PARVB: variants seen among roughly 807,000 people sequenced by gnomAD.
The protein encoded by PARVB is parvin beta.
A neutral mutation model predicts 47.0 loss-of-function variants in PARVB; 46 were observed. The ratio of observed to expected loss-of-function variants is 0.98; its 90% confidence interval spans 0.77 to 1.25. The LOEUF (loss-of-function observed/expected upper bound fraction) is 1.25, where lower values mean the gene tolerates loss of function less well. Ranked by LOEUF, PARVB falls within the 50% of genes most tolerant of loss-of-function variation. The pLI, the probability that PARVB is intolerant of heterozygous loss-of-function variation, is 0.00. For missense variants in PARVB, 473 were observed against 471.6 expected (o/e 1.00, Z -0.03); for synonymous variants, 196 against 196.3 (o/e 1.00, Z 0.01).
chr22:44,016,149 T>G (rs1411102291), intron 2 of PARVB, among the ~76,000 whole-genome samples: 1 of 145,744 alleles, frequency 6.9e-6, no homozygotes, highest in Non-Finnish European at 1.5e-5. Context: ...CAGGCTGGAG[T>G]GCAGTGGCGT....
intron 1 of PARVB, chr22:44,069,145 G>T (rs769567134): frequency 1.2e-6 from 2 of 1,612,698 alleles, no homozygotes; most frequent in Non-Finnish European, 1.7e-6. Context: ...GCTGCCGCCA[G>T]CTGCACCCTC....
chr22:44,059,609 G>A (rs62226417), intron 1 of PARVB, among the ~76,000 whole-genome samples: 5,808 of 152,240 alleles, frequency 0.038, 143 homozygotes, highest in Middle Eastern at 0.078. Flanking sequence ...AGAAGGCACC[G>A]GTATGGTATC....
intron 3 of PARVB, among the ~76,000 whole-genome samples, chr22:44,117,908 C>T (rs1394967533): frequency 6.6e-6 from 1 of 152,212 alleles, no homozygotes; most frequent in Non-Finnish European, 1.5e-5. Flanking sequence ...GTGGAATAGA[C>T]ATGTCAGAAG....
intron 8 of PARVB, chr22:44,142,225 A>G (rs2053565779): frequency 6.6e-6 from 1 of 151,860 alleles, no homozygotes; most frequent in Non-Finnish European, 1.5e-5. Context: ...AAAATACAAA[A>G]AAATTAGCCG....
chr22:44,137,178 A>C (rs1400832404), intron 7 of PARVB, among the ~76,000 whole-genome samples: 2 of 152,252 alleles, frequency 1.3e-5, no homozygotes, highest in Non-Finnish European at 2.9e-5. Context: ...CAGAGTGATT[A>C]ATTACTGTGT....
At chr22:44,121,672 G>C (rs1376009658) in intron 4 of PARVB, among the ~76,000 whole-genome samples, 2 of 152,084 alleles carry the variant, frequency 1.3e-5, no homozygotes, top group Non-Finnish European at 2.9e-5. Flanking sequence ...ATGGGTGCTT[G>C]TGGCTCCTGG....
At chr22:44,044,411 C>T (rs2051077737) in intron 1 of PARVB, among the ~76,000 whole-genome samples, 2 of 152,086 alleles carry the variant, frequency 1.3e-5, no homozygotes, top group Admixed American at 1.3e-4. Context: ...AGGATGGTCT[C>T]GATCTCCTGA....
intron 1 of PARVB, among the ~76,000 whole-genome samples, chr22:44,092,734 G>A (rs2052201163): frequency 1.3e-5 from 2 of 152,220 alleles, no homozygotes; most frequent in Admixed American, 1.3e-4. Flanking sequence ...GGTGCAGAGA[G>A]GTGAGTGGGA....
intron 1 of PARVB, among the ~76,000 whole-genome samples, chr22:44,063,519 G>A (rs574956186): frequency 6.6e-5 from 10 of 152,222 alleles, no homozygotes; most frequent in South Asian, 4.1e-4. Context: ...GAGCCACCGC[G>A]CCTGGCCCAA....
Position 44,123,936 on chromosome 22 carries a change from A to G in PARVB, c.376+4796A>G, listed in dbSNP as rs2053130036. ...AGTGCCTGGCACAGGTCTGTCGTCA[A>G]TAAGCAGGAGTTGTTATTGCTGTTG... On this transcript the variant is annotated intron_variant, in intron 4 of 12. Coordinates refer to ENST00000338758, the MANE Select transcript of PARVB (RefSeq NM_013327.5). 2.6e-5 allele frequency among the ~76,000 whole-genome samples: 4 copies of G among 152,256 alleles called. No individual in the cohort carries two copies. The South Asian group carries it at 6.2e-4, about 24-fold the overall frequency.
At chr22:44,131,367 C>G (rs1203304152) in intron 4 of PARVB, 120 bp from the exon 5 acceptor site, 2 of 1,019,410 alleles carry the variant, frequency 2.0e-6, no homozygotes, top group East Asian at 4.9e-5. Context: ...GTCTCGAACT[C>G]CTGGCCTGAA....
At chr22:44,122,572 G>GAGAGAGAGAGAGACACAGAGAC (rs2053089741) in intron 4 of PARVB, among the ~76,000 whole-genome samples, 1 of 107,372 alleles carries the variant, frequency 9.3e-6, no homozygotes, top group African/African-American at 4.1e-5. Context: ...CAGAGAGAGA[G>GAGAGAGAGAGAGACACAGAGAC]AGAGAGAGAG....
chr22:44,068,342 A>G lies in PARVB; in HGVS notation c.113-25586A>G, dbSNP rs1282159695. On this transcript the variant is annotated intron_variant, in intron 1 of 12. Transcript: ENST00000338758. The surrounding 1 kb of genome is among the most constrained non-coding windows in gnomAD (Gnocchi z 4.1). ...ACCAGACAGAGAGCCCGCCTGTGTC[A>G]CCTGGTAGGGAGGGGCTGGGCCTGG... is the stretch of plus-strand genomic sequence containing the variant. 3.3e-5 allele frequency among the ~76,000 whole-genome samples: 5 copies of G among 152,132 alleles called. No individual in the cohort carries two copies. Among genetic ancestry groups the G allele is most frequent in the Non-Finnish European group, 5.9e-5 (4 of 68,022 alleles).
rs2052113470 is a variant in PARVB, at chr22:44,089,554, TA to T, written c.113-4369del. ...CTTTCTGGCAAGTAGACCGGTACTT[TA>T]AAAACCAAAACATTCCTGGGATTCA... On this transcript the variant is annotated intron_variant, in intron 1 of 12. Transcript: ENST00000338758. The surrounding 1 kb of genome is among the most constrained non-coding windows in gnomAD (Gnocchi z 4.0). 1 of 133,974 alleles carries T rather than the reference TA, an allele frequency of 7.5e-6. No homozygotes were observed. Among genetic ancestry groups the T allele is most frequent in the African/African-American group, 2.8e-5 (1 of 35,990 alleles). 8.3% of individuals were successfully genotyped at this position (133,974 alleles called of 1,614,324 possible). A position where few individuals can be genotyped will look rare whatever the true frequency, so the allele number is the denominator to read the frequency against.
At chr22:44,146,980 C>G (rs577361906) in intron 8 of PARVB, 1 of 153,086 alleles carries the variant, frequency 6.5e-6, no homozygotes, top group East Asian at 1.9e-4. Flanking sequence ...CCCCACAGCT[C>G]TGTGTCTACC....
chr22:44,100,544 C>T (rs970300340), intron 3 of PARVB, among the ~76,000 whole-genome samples: 1 of 152,156 alleles, frequency 6.6e-6, no homozygotes, highest in Admixed American at 6.5e-5. Flanking sequence ...CAGGAGCCAT[C>T]TGATGCCGAT....
chr22:44,003,149 A>T (rs2050429631), intron 2 of PARVB, among the ~76,000 whole-genome samples: 1 of 152,198 alleles, frequency 6.6e-6, no homozygotes, highest in African/African-American at 2.4e-5. Flanking sequence ...TGTGCCGGTC[A>T]ATTAAAATAT....
rs867635824 is a variant in PARVB at position 44,068,066 on chromosome 22, A to G, written c.113-25862A>G. 1.1e-4 allele frequency among the ~76,000 whole-genome samples: 16 copies of G among 151,802 alleles called. No individual in the cohort carries two copies. Among genetic ancestry groups the G allele is most frequent in the Middle Eastern group, 6.8e-3 (2 of 294 alleles). On this transcript the variant is annotated intron_variant, in intron 1 of 12. Coordinates refer to ENST00000338758, the MANE Select transcript of PARVB (RefSeq NM_013327.5). This position sits in a 1 kb window ranked among gnomAD's most constrained non-coding sequence, Gnocchi z 4.1. ...CGCCTGGAGCACCTGCTGGGTCGGG[A>G]CATGGGCCTCCCGTGGGCCTCACCG... is the stretch of plus-strand genomic sequence containing the variant.
chr22:44,030,632 A>G (rs1290218015), intron 1 of PARVB, among the ~76,000 whole-genome samples: 1 of 152,030 alleles, frequency 6.6e-6, no homozygotes, highest in Admixed American at 6.5e-5. Flanking sequence ...GGGCACAGGC[A>G]GTGCCCCGAG....
Sources: allele counts gnomAD v4.1 joint callset (sites outside exome capture counted in the v4.1 genomes callset), GRCh38; gene constraint gnomAD v4.1.1; non-coding constraint Gnocchi (gnomAD v3.1); transcripts MANE v1.5; gene names NCBI Gene and HGNC (gene_info 2026-07-23, HGNC 2026-07-21).